The following SHQ1 variants were observed in gnomAD, a reference collection of about 807,000 sequenced individuals.
SHQ1 encodes SHQ1, H/ACA ribonucleoprotein assembly factor.
SHQ1 carries 49 observed loss-of-function variants against 53.8 expected under a neutral mutation model. The ratio of observed to expected loss-of-function variants is 0.91; its 90% CI spans 0.72 to 1.16. The LOEUF is 1.16. SHQ1 is among the 50% of genes most tolerant of loss of function. SHQ1 has a pLI of 0.00. For synonymous variants in SHQ1, 243 were observed against 251.0 expected (o/e 0.97, Z 0.30); for missense variants, 738 against 683.1 (o/e 1.08, Z -0.90).
chr3:72,787,732 CTCTCCCT>C (rs1308013734), intron 10 of SHQ1, among the ~76,000 whole-genome samples: 1 of 152,052 alleles, frequency 6.6e-6, no homozygotes, highest in Non-Finnish European at 1.5e-5. Context: ...TCCCTCTCCC[CTCTCCCT>C]TTGCACGGTC....
At chr3:72,836,010 T>C (rs1707980405) in intron 4 of SHQ1, among the ~76,000 whole-genome samples, 1 of 152,228 alleles carries the variant, frequency 6.6e-6, no homozygotes, top group Non-Finnish European at 1.5e-5. Flanking sequence ...TCATCTATCA[T>C]CTTCTTCACT....
Position 72,841,023 on chromosome 3 carries a change from A to G in SHQ1, c.486+22T>C, listed in dbSNP as rs760681262. ...AAATGGAAAAACCCTATAGATCAAGATCTTTCAGAAAGACAACATACCTGT... is the reference window on the plus strand; with the variant it reads ...AAATGGAAAAACCCTATAGATCAAGGTCTTTCAGAAAGACAACATACCTGT... On this transcript the variant is annotated intron_variant, in intron 4 of 10. Transcript: ENST00000325599. The G allele has an allele frequency of 2.1e-5, 34 of 1,592,706 alleles. 1 individual carries two copies. The highest frequency in any genetic ancestry group is 2.6e-5 in the Non-Finnish European group (31 of 1,172,424).
In SHQ1 at chr3:72,785,817, G is replaced by A. The variant is rs563848930; in HGVS notation, c.1181+7099C>T. 2.0e-5 allele frequency among the ~76,000 whole-genome samples: 3 copies of A among 152,284 alleles called. No homozygotes were observed. In the East Asian group the frequency reaches 5.8e-4, roughly 29 times the overall value. On this transcript the variant is annotated intron_variant, in intron 10 of 10. Coordinates refer to ENST00000325599, the MANE Select transcript of SHQ1 (RefSeq NM_018130.3). ...TAGGTAACACAGTACCATGTAACCA[G>A]AGAACATTTTTTATGTTTTGTGACT... is the stretch of plus-strand genomic sequence containing the variant.
At chr3:72,732,224 G>T in the SHQ1 span, among the ~76,000 whole-genome samples, 14 of 151,474 alleles carry the variant, frequency 9.2e-5, no homozygotes, top group Non-Finnish European at 1.9e-4. Context: ...TGGCTTGGAG[G>T]TGCCCTGGGC....
At chr3:72,739,296 G>A in the SHQ1 span, among the ~76,000 whole-genome samples, 1 of 150,894 alleles carries the variant, frequency 6.6e-6, no homozygotes, top group African/African-American at 2.4e-5. Context: ...CCCATCCACC[G>A]ACAATCCCCC....
At chr3:72,729,015 G>A in the SHQ1 span, among the ~76,000 whole-genome samples, 7 of 152,194 alleles carry the variant, frequency 4.6e-5, no homozygotes, top group South Asian at 2.1e-4. Context: ...CAAACCTCAC[G>A]TCCCATCTGT....
At chr3:72,812,604 A>G (rs913612186) in intron 9 of SHQ1, 67 bp downstream of exon 9, 10 of 1,571,664 alleles carry the variant, frequency 6.4e-6, no homozygotes, top group Middle Eastern at 1.7e-4. Flanking sequence ...AATCATTATT[A>G]TATCTTCACA....
chr3:72,839,820 G>A (rs1038162890), intron 4 of SHQ1, among the ~76,000 whole-genome samples: 5 of 152,028 alleles, frequency 3.3e-5, no homozygotes, highest in Non-Finnish European at 7.4e-5. Context: ...GAGTGCAGTG[G>A]CGAGATCTCA....
Position 72,780,642 on chromosome 3 carries a change from G to C in SHQ1, c.1181+12274C>G, listed in dbSNP as rs573196449. On this transcript the variant is annotated intron_variant, in intron 10 of 10. Coordinates refer to ENST00000325599, the MANE Select transcript of SHQ1 (RefSeq NM_018130.3). ...GTGACATCCACAAAGAACATCTTTG[G>C]GGGTGTAAATGCTCTGGGTTTATAG... is the stretch of plus-strand genomic sequence containing the variant. Among the ~76,000 whole-genome samples, 6 of 152,264 alleles carry C rather than the reference G, an allele frequency of 3.9e-5. No individual in the cohort carries two copies. The South Asian group carries it at 1.0e-3, about 26-fold the overall frequency.
intron 10 of SHQ1, among the ~76,000 whole-genome samples, chr3:72,792,698 T>A (rs1212795983): frequency 3.5e-5 from 5 of 141,424 alleles, no homozygotes; most frequent in African/African-American, 1.4e-4. Flanking sequence ...GGCACAAGAA[T>A]CACTTGAACT....
intron 3 of SHQ1, 117 bp from the exon 4 acceptor site, chr3:72,841,316 C>A: frequency 2.9e-6 from 2 of 695,904 alleles, no homozygotes; most frequent in South Asian, 2.6e-5. Context: ...ACCAAATGTA[C>A]TAAAAGAATA....
intron 9 of SHQ1, among the ~76,000 whole-genome samples, chr3:72,806,085 G>A (rs529770214): frequency 1.1e-4 from 16 of 152,212 alleles, no homozygotes; most frequent in Admixed American, 2.6e-4. Context: ...GTATAAACCC[G>A]CAAATGCTCT....
chr3:72,817,012 G>C (rs1367928676), intron 7 of SHQ1, among the ~76,000 whole-genome samples: 1 of 152,120 alleles, frequency 6.6e-6, no homozygotes, highest in African/African-American at 2.4e-5. Context: ...TATTTTTGCA[G>C]AGACTAATGC....
At chr3:72,787,012 A>G (rs1163998501) in intron 10 of SHQ1, among the ~76,000 whole-genome samples, 1 of 152,182 alleles carries the variant, frequency 6.6e-6, no homozygotes, top group Non-Finnish European at 1.5e-5. Flanking sequence ...CAAGAATCTA[A>G]AGCAATCATA....
At chr3:72,798,110 C>G (rs1359129951) in intron 9 of SHQ1, among the ~76,000 whole-genome samples, 2 of 152,132 alleles carry the variant, frequency 1.3e-5, no homozygotes, top group African/African-American at 4.8e-5. Flanking sequence ...ATGCTAAGGC[C>G]TAAGTCCAAG....
At chr3:72,817,112 G>A in intron 7 of SHQ1, 118 bp downstream of exon 7, 2 of 1,099,672 alleles carry the variant, frequency 1.8e-6, no homozygotes, top group African/African-American at 1.6e-5. Context: ...CTCTGCTGGG[G>A]GCATCCCCTG....
At chr3:72,779,714 A>G (rs965332535) in intron 10 of SHQ1, among the ~76,000 whole-genome samples, 4 of 152,228 alleles carry the variant, frequency 2.6e-5, no homozygotes, top group African/African-American at 9.6e-5. Flanking sequence ...CTAGGATAAC[A>G]AGACCCCAAA....
At chr3:72,832,686 T>C (rs1335441586) in intron 4 of SHQ1, among the ~76,000 whole-genome samples, 1 of 152,214 alleles carries the variant, frequency 6.6e-6, no homozygotes, top group Non-Finnish European at 1.5e-5. Context: ...TCATAAATTA[T>C]CTCATTTAAT....
At chr3:72,796,101 C>CACA (rs1706608557) in intron 9 of SHQ1, among the ~76,000 whole-genome samples, 1 of 40,532 alleles carries the variant, frequency 2.5e-5, no homozygotes, top group Non-Finnish European at 5.7e-5. Context: ...GACTCCATCT[C>CACA]AAAAAAAAAA....
Sources: allele counts gnomAD v4.1 joint callset (sites outside exome capture counted in the v4.1 genomes callset), GRCh38; gene constraint gnomAD v4.1.1; transcripts MANE v1.5; gene names NCBI Gene and HGNC (gene_info 2026-07-23, HGNC 2026-07-21).